Variants in NLRC5 observed in about 807,000 individuals in gnomAD.
The protein encoded by NLRC5 is NLR family CARD domain containing 5.
NLRC5 carries 114 observed loss-of-function variants against 206.9 expected under a neutral mutation model. That is an observed-to-expected ratio of 0.55 (90% CI 0.47 to 0.64). The LOEUF (loss-of-function observed/expected upper bound fraction) is 0.64. Ranked by LOEUF, NLRC5 falls within the 30% of genes least tolerant of loss-of-function variation. The pLI is 0.00. For missense variants in NLRC5, 2,008 were observed against 2,305.5 expected (o/e 0.87, Z 2.64); for synonymous variants, 952 against 962.8 (o/e 0.99, Z 0.21).
chr16:57,013,512 G>T, intron 1 of NLRC5: 3 of 791,568 alleles, frequency 3.8e-6, no homozygotes, highest in Non-Finnish European at 6.8e-6. Flanking sequence ...TTGGCTGCTT[G>T]TGCTTTCATC....
At chr16:57,035,826 C>T (rs959544790) in intron 13 of NLRC5, among the ~76,000 whole-genome samples, 5 of 152,230 alleles carry the variant, frequency 3.3e-5, no homozygotes, top group African/African-American at 1.2e-4. Context: ...TTACTCTGCA[C>T]TTAACCACTC....
intron 13 of NLRC5, among the ~76,000 whole-genome samples, chr16:57,035,892 G>A (rs1430612775): frequency 6.6e-6 from 1 of 152,150 alleles, no homozygotes; most frequent in Admixed American, 6.5e-5. Flanking sequence ...CCACGTCATC[G>A]GCACTATGAG....
rs1453998245 is a variant in NLRC5 at position 57,029,993 on chromosome 16, A to G, written c.2328-2A>G. 6.2e-7 allele frequency: 1 copy of G among 1,614,122 alleles called. No individual in the cohort carries two copies. The highest frequency in any genetic ancestry group is 8.5e-7 in the Non-Finnish European group (1 of 1,179,966). ...CCTGACACCTTTGCCACAATCTTGCAGCCTGAGCAGCAACAGCATCTGCGT... is the reference window on the plus strand; with the variant it reads ...CCTGACACCTTTGCCACAATCTTGCGGCCTGAGCAGCAACAGCATCTGCGT... On this transcript the variant is annotated splice_acceptor_variant, in intron 9 of 48. Transcript: ENST00000688547. LOFTEE classifies it high-confidence loss of function.
Position 57,054,763 on chromosome 16 carries a change from G to C in NLRC5, c.3519G>C (p.Thr1173=). ...CTTTCCTTTTCAGGCTGAGCCAGAC[G>C]GGACTGTCCCCGAAAAGCCCCTTCC... ...PQLSLLQLSQ[T]GLSPKSPFLL... The change falls in exon 25 of 49, where the codon ACG becomes ACC. Residue 1173 remains threonine (T), a synonymous_variant. Coordinates refer to ENST00000688547, the MANE Select transcript of NLRC5 (RefSeq NM_001384950.1). 6.2e-7 allele frequency: 1 copy of C among 1,611,364 alleles called. No individual in the cohort carries two copies. Among genetic ancestry groups the C allele is most frequent in the Non-Finnish European group, 8.5e-7 (1 of 1,178,474 alleles).
intron 38 of NLRC5, among the ~76,000 whole-genome samples, chr16:57,073,495 G>A (rs1448318877): frequency 6.6e-6 from 1 of 152,210 alleles, no homozygotes; most frequent in Admixed American, 6.5e-5. Context: ...TTTGCTTGGA[G>A]CTTTCCCCAT....
rs937699572 is a variant in NLRC5 at position 57,046,628 on chromosome 16, C to T, written c.3325C>T (p.Pro1109Ser). The T allele has an allele frequency of 6.8e-6, 11 of 1,613,930 alleles. No individual in the cohort carries two copies. Among genetic ancestry groups the T allele is most frequent in the African/African-American group, 1.3e-5 (1 of 75,024 alleles). ...CTTAGGGTTCCGTCAGCGCTGCATCCCCAGGAGCCTCTGGTACTGTCCCAG... is the reference window on the plus strand; with the variant it reads ...CTTAGGGTTCCGTCAGCGCTGCATCTCCAGGAGCCTCTGGTACTGTCCCAG... Reference protein sequence around the residue: ...KFLGFRQRCIPRSLCLSECPL... With the variant: ...KFLGFRQRCISRSLCLSECPL... Residue 1109 changes from proline to serine, a missense_variant, in exon 22 of 49, where the codon CCC becomes TCC. Pro to Ser is a moderately conservative substitution (Grantham distance 74). Transcript: ENST00000688547.
intron 30 of NLRC5, among the ~76,000 whole-genome samples, chr16:57,061,174 C>A (rs1597402399): frequency 6.6e-6 from 1 of 152,234 alleles, no homozygotes; most frequent in Admixed American, 6.5e-5. Flanking sequence ...AAGTCCCATG[C>A]ACCCAGAGGC....
intron 19 of NLRC5, 148 bp from the exon 20 acceptor site, chr16:57,043,367 C>A: frequency 1.4e-6 from 1 of 737,038 alleles, no homozygotes; most frequent in Non-Finnish European, 2.5e-6. Context: ...ACCATGAGGA[C>A]TTGCAAGGGG....
intron 15 of NLRC5, 89 bp from the exon 16 acceptor site, chr16:57,039,692 G>T: frequency 1.7e-6 from 2 of 1,199,014 alleles, no homozygotes; most frequent in Non-Finnish European, 2.5e-6. Flanking sequence ...ACACCAGCTT[G>T]GGCAACAGAC....
intron 1 of NLRC5, among the ~76,000 whole-genome samples, chr16:57,009,869 G>A (rs1216367367): frequency 6.6e-6 from 1 of 152,166 alleles, no homozygotes; most frequent in Non-Finnish European, 1.5e-5. Context: ...TGATGTCATG[G>A]GACCTGATGC....
Position 57,079,526 on chromosome 16 carries a change from A to G in NLRC5, c.5238-20A>G. On this transcript the variant is annotated intron_variant, in intron 45 of 48. Coordinates refer to ENST00000688547, the MANE Select transcript of NLRC5 (RefSeq NM_001384950.1). ...ACTCAAACAACCCCCATCCCATCCC[A>G]TGCCCTTCTCCATCCCCAGCCTGGT... The G allele has an allele frequency of 6.2e-7, 1 of 1,609,360 alleles. No homozygotes were observed. Among genetic ancestry groups the G allele is most frequent in the South Asian group, 1.1e-5 (1 of 90,928 alleles).
chr16:57,014,948 A>G (rs2059891595), intron 1 of NLRC5, among the ~76,000 whole-genome samples: 1 of 147,544 alleles, frequency 6.8e-6, no homozygotes, highest in African/African-American at 2.5e-5. Context: ...TGTTTGTTTG[A>G]GATGGAGTCT....
chr16:57,008,930 G>A (rs575880090), intron 1 of NLRC5, among the ~76,000 whole-genome samples: 1 of 152,250 alleles, frequency 6.6e-6, no homozygotes, highest in South Asian at 2.1e-4. Context: ...ACCAACGGCT[G>A]GTGAATCTAA....
intron 1 of NLRC5, chr16:56,992,145 A>T (rs2056970642): frequency 6.6e-6 from 1 of 152,202 alleles, no homozygotes; most frequent in Non-Finnish European, 1.5e-5. Context: ...GCAAGGACGG[A>T]TCCTCTCCTC....
intron 20 of NLRC5, 38 bp downstream of exon 20, chr16:57,043,642 C>T: frequency 2.0e-6 from 3 of 1,529,524 alleles, no homozygotes; most frequent in South Asian, 1.1e-5. Context: ...TGCCCCTGTC[C>T]CCCATCCCAC....
In NLRC5 at chr16:57,051,609, T is replaced by A; in HGVS notation, c.3494T>A (p.Leu1165Gln). The stretch of plus-strand genomic sequence containing the variant: ...GACTGCTTACCTCAACTCCCTCAGC[T>A]GAGCCTGCTGCAGTAAGACGAGAGT... ...LLDCLPQLPQ[L>Q]SLLQLSQTGL... is the part of the protein sequence containing the mutation. The change falls in exon 24 of 49, where the codon CTG (leucine) becomes CAG (glutamine). Residue 1165 changes from leucine (L) to glutamine (Q), a missense_variant. Physicochemically the swap from Leu to Gln is moderately radical, Grantham distance 113. Transcript: ENST00000688547. 1 of 1,613,606 alleles carries A rather than the reference T, an allele frequency of 6.2e-7. No individual in the cohort carries two copies. The highest frequency in any genetic ancestry group is 2.2e-5 in the East Asian group (1 of 44,876).
chr16:57,036,713 G>A (rs1467456066), intron 14 of NLRC5, among the ~76,000 whole-genome samples: 1 of 152,022 alleles, frequency 6.6e-6, no homozygotes, highest in African/African-American at 2.4e-5. Context: ...GGTTTGGGGA[G>A]TGTTGAGATT....
chr16:57,005,002 T>C (rs1233928730), intron 1 of NLRC5, among the ~76,000 whole-genome samples: 3 of 152,142 alleles, frequency 2.0e-5, no homozygotes, highest in Non-Finnish European at 4.4e-5. Flanking sequence ...CCTTACTGAC[T>C]GCGTGACCCT....
At position 57,025,454 on chromosome 16, in the gene NLRC5, G is replaced by C. The variant is rs371338597; in HGVS notation, c.511G>C (p.Ala171Pro). ...AATCCCTGGGTCAGGGCAGCCCCAC[G>C]CCTTCCACCAGGTCTATGTCCCTCC... ...SQIPGSGQPH[A>P]FHQVYVPPIL... The change falls in exon 6 of 49, where the codon GCC becomes CCC. Residue 171 changes from alanine to proline, a missense_variant. Coordinates refer to ENST00000688547, the MANE Select transcript of NLRC5 (RefSeq NM_001384950.1). 7 of 1,610,108 alleles carry C rather than the reference G, an allele frequency of 4.3e-6. No individual in the cohort carries two copies. The Admixed American group carries it at 1.0e-4, about 23-fold the overall frequency.
Sources: allele counts gnomAD v4.1 joint callset (sites outside exome capture counted in the v4.1 genomes callset), GRCh38; gene constraint gnomAD v4.1.1; transcripts MANE v1.5; gene names NCBI Gene and HGNC (gene_info 2026-07-23, HGNC 2026-07-21).